The following ANPEP variants were observed in gnomAD, a reference collection of about 807,000 sequenced individuals.
The protein encoded by ANPEP is aminopeptidase N.
ANPEP carries 70 observed loss-of-function variants against 114.6 expected under a neutral mutation model. That is an observed-to-expected ratio of 0.61 (90% confidence interval 0.50 to 0.75). ANPEP has a LOEUF of 0.75. ANPEP is among the 30% of genes least tolerant of loss of function. The pLI is 0.00. For missense variants in ANPEP, 1,184 were observed against 1,259.5 expected (o/e 0.94, Z 0.91); for synonymous variants, 548 against 522.3 (o/e 1.05, Z -0.67).
In ANPEP at chr15:89,789,907, A is replaced by C. The variant is rs112745558; in HGVS notation, c.2751+553T>G. On this transcript the variant is annotated intron_variant, in intron 20 of 20. Transcript: ENST00000300060. ...CCCCATCTCTACTAAAAATACAAAA[A>C]AATTAGCCAGGCGCGGTGGCGGGCA... Among the ~76,000 whole-genome samples, 1,324 of 151,866 alleles carry C rather than the reference A, an allele frequency of 8.7e-3. 18 individuals carry two copies. Among genetic ancestry groups the C allele is most frequent in the African/African-American group, 0.03 (1,229 of 41,400 alleles).
At chr15:89,808,361 C>T (rs2141814547) in intron 1 of ANPEP, among the ~76,000 whole-genome samples, 1 of 152,346 alleles carries the variant, frequency 6.6e-6, no homozygotes, top group South Asian at 2.1e-4. Context: ...CTGCAAAGCC[C>T]CAGAACTCAG....
intron 1 of ANPEP, among the ~76,000 whole-genome samples, chr15:89,808,468 C>A (rs1382298311): frequency 1.3e-5 from 2 of 152,372 alleles, no homozygotes; most frequent in South Asian, 4.1e-4. Flanking sequence ...CAGTGCCTGG[C>A]ACACAGTAGG....
chr15:89,793,676 CTGGGT>C (rs1968675544), intron 15 of ANPEP, among the ~76,000 whole-genome samples: 5 of 133,778 alleles, frequency 3.7e-5, no homozygotes, highest in Non-Finnish European at 7.7e-5. Flanking sequence ...GCACTCCAGC[CTGGGT>C]AACAGAGCGA....
intron 1 of ANPEP, among the ~76,000 whole-genome samples, chr15:89,814,272 G>A (rs1894868512): frequency 6.6e-6 from 1 of 152,234 alleles, no homozygotes; most frequent in Non-Finnish European, 1.5e-5. Context: ...CTGCGGCGGA[G>A]GCTTTAGACC....
At chr15:89,800,324 T>C (rs959262351) in intron 12 of ANPEP, among the ~76,000 whole-genome samples, 2 of 151,994 alleles carry the variant, frequency 1.3e-5, no homozygotes, top group Non-Finnish European at 2.9e-5. Context: ...TGAACTTGAA[T>C]CTCCCTTATT....
chr15:89,793,764 G>C (rs956262659), intron 15 of ANPEP, among the ~76,000 whole-genome samples: 5 of 150,540 alleles, frequency 3.3e-5, no homozygotes, highest in African/African-American at 1.2e-4. Flanking sequence ...ACACAGAGAA[G>C]TATATGCAGA....
chr15:89,810,303 C>G (rs192090371), intron 1 of ANPEP, among the ~76,000 whole-genome samples: 1 of 152,194 alleles, frequency 6.6e-6, no homozygotes, highest in Admixed American at 6.5e-5. Context: ...CGCTTGAACT[C>G]GGGAGGCAGA....
At chr15:89,800,984 G>T in intron 12 of ANPEP, 127 bp downstream of exon 12, 1 of 774,882 alleles carries the variant, frequency 1.3e-6, no homozygotes, top group Non-Finnish European at 2.1e-6. Context: ...GCAGCAAAGT[G>T]GAGATTGGAA....
At chr15:89,796,654 A>AT (rs1224859641) in intron 15 of ANPEP, among the ~76,000 whole-genome samples, 12 of 148,916 alleles carry the variant, frequency 8.1e-5, no homozygotes, top group African/African-American at 2.2e-4. Context: ...CGCCTGGCTA[A>AT]TTTTTTGTAT....
chr15:89,806,431 C>T lies in ANPEP; in HGVS notation c.153G>A (p.Pro51=), dbSNP rs370108152. 3.5e-5 allele frequency: 56 copies of T among 1,613,656 alleles called. 2 individuals are homozygous for T. Among genetic ancestry groups the T allele is most frequent in the South Asian group, 1.3e-4 (12 of 91,068 alleles). ...ANSSPVASTT[P]SASATTNPAS... The stretch of plus-strand genomic sequence containing the variant: ...CGGGGTTGGTGGTGGCTGAGGCGGA[C>T]GGGGTGGTGGAGGCCACGGGGGAGC... The change falls in exon 2 of 21, where the codon CCG becomes CCA. Residue 51 remains proline (P), a synonymous_variant. Transcript: ENST00000300060. This position sits in a 1 kb window ranked among gnomAD's most constrained non-coding sequence, Gnocchi z 5.7.
At chr15:89,789,191 G>T (rs533887480) in intron 20 of ANPEP, among the ~76,000 whole-genome samples, 1 of 151,198 alleles carries the variant, frequency 6.6e-6, no homozygotes. Context: ...TGTTGGCCAC[G>T]CTGGTCTGGA....
intron 10 of ANPEP, 152 bp from the exon 11 acceptor site, chr15:89,801,759 AC>A: frequency 1.1e-6 from 1 of 886,028 alleles, no homozygotes; most frequent in Middle Eastern, 3.5e-4. Flanking sequence ...GAGCCAGGGT[AC>A]CGTCCAGCTC....
chr15:89,813,551 G>C (rs1894852561), intron 1 of ANPEP, among the ~76,000 whole-genome samples: 1 of 152,144 alleles, frequency 6.6e-6, no homozygotes, highest in South Asian at 2.1e-4. Context: ...GAAGGTGGCT[G>C]AGAGTGGATG....
intron 1 of ANPEP, among the ~76,000 whole-genome samples, chr15:89,812,697 A>T (rs1190654761): frequency 2.6e-5 from 4 of 151,938 alleles, no homozygotes; most frequent in Admixed American, 2.6e-4. Context: ...AGCACCTACT[A>T]TGTGCCCTAC....
chr15:89,792,145 T>G lies in ANPEP; in HGVS notation c.2528+15A>C, dbSNP rs1479685831. On this transcript the variant is annotated intron_variant, in intron 18 of 20. Transcript: ENST00000300060. ...GGAGAGGGCTCTCGCAGTCCCACCCTGCGCCAAGACTCACCTGTTCAGGAT... is the reference window on the plus strand; with the variant it reads ...GGAGAGGGCTCTCGCAGTCCCACCCGGCGCCAAGACTCACCTGTTCAGGAT... 1.2e-6 allele frequency: 2 copies of G among 1,609,758 alleles called. No individual in the cohort carries two copies. The highest frequency in any genetic ancestry group is 2.7e-5 in the African/African-American group (2 of 74,894).
At chr15:89,791,178 G>T (rs1169399600) in intron 18 of ANPEP, 85 bp from the exon 19 acceptor site, 22 of 1,478,614 alleles carry the variant, frequency 1.5e-5, no homozygotes, top group Non-Finnish European at 1.9e-5. Flanking sequence ...CATCACCTAT[G>T]CCTGCATCCT....
chr15:89,789,641 C>T (rs1051507340), intron 20 of ANPEP, among the ~76,000 whole-genome samples: 1 of 151,720 alleles, frequency 6.6e-6, no homozygotes, highest in East Asian at 2.0e-4. Context: ...GGTGTGGGGG[C>T]GCATGCCTGT....
Position 89,801,575 on chromosome 15 carries a change from G to C in ANPEP, c.1602C>G (p.Thr534=). Residue 534 remains threonine (T), a synonymous_variant, in exon 11 of 21, where the codon ACC becomes ACG. Coordinates refer to ENST00000300060, the MANE Select transcript of ANPEP (RefSeq NM_001150.3). ...AGCGGTTCATGATGTCCCGCACGGT[G>C]GTGGGGAGTTGGATGGACCGGTTGT... ...AVNNRSIQLP[T]TVRDIMNRWT... 1.2e-6 allele frequency: 2 copies of C among 1,614,096 alleles called. No individual in the cohort carries two copies. The highest frequency in any genetic ancestry group is 1.7e-6 in the Non-Finnish European group (2 of 1,179,944).
chr15:89,786,386 C>CT (rs57614547), intron 20 of ANPEP, among the ~76,000 whole-genome samples: 1,805 of 130,512 alleles, frequency 0.014, 51 homozygotes, highest in African/African-American at 0.032. Flanking sequence ...ATTTTAACTA[C>CT]TTTTTTTTTT....
Sources: allele counts gnomAD v4.1 joint callset (sites outside exome capture counted in the v4.1 genomes callset), GRCh38; gene constraint gnomAD v4.1.1; non-coding constraint Gnocchi (gnomAD v3.1); transcripts MANE v1.5; gene names NCBI Gene and HGNC (gene_info 2026-07-23, HGNC 2026-07-21).